Variants in EPHB1 observed in about 807,000 individuals in gnomAD.
EPHB1 encodes the protein ephrin type-B receptor 1.
A neutral mutation model predicts 94.4 loss-of-function variants in EPHB1; 30 were observed. The observed-to-expected ratio is 0.32, with a 90% CI of 0.24 to 0.43. The LOEUF (loss-of-function observed/expected upper bound fraction) is 0.43. Ranked by LOEUF, EPHB1 falls within the 20% of genes least tolerant of loss-of-function variation. The pLI is 1.00. For missense variants in EPHB1, 1,055 were observed against 1,308.3 expected, an observed-to-expected ratio of 0.81 and a Z score of 2.99; for synonymous variants, 522 against 489.1, an observed-to-expected ratio of 1.07 and a Z score of -0.89.
Position 135,070,377 on chromosome 3 carries a change from T to A in EPHB1, c.806-36071T>A, listed in dbSNP as rs183160288. Reference sequence around the variant, plus strand: ...ATGAAACTCTGTGAAACCCTAGAGTTTACTTGACCTGCTTTAGACCATTGG... The same window carrying A: ...ATGAAACTCTGTGAAACCCTAGAGTATACTTGACCTGCTTTAGACCATTGG... On this transcript the variant is annotated intron_variant, in intron 3 of 15. Transcript: ENST00000398015. Among the ~76,000 whole-genome samples, 200 of 152,300 alleles carry A rather than the reference T, an allele frequency of 1.3e-3. 1 individual carries two copies. Among genetic ancestry groups the A allele is most frequent in the African/African-American group, 4.5e-3 (186 of 41,580 alleles).
At chr3:135,235,246 A>C (rs1195445821) in intron 12 of EPHB1, among the ~76,000 whole-genome samples, 1 of 152,256 alleles carries the variant, frequency 6.6e-6, no homozygotes, top group African/African-American at 2.4e-5. Context: ...TAAACCAGGC[A>C]CTAACAATTA....
chr3:134,856,416 C>A (rs189273721), intron 1 of EPHB1, among the ~76,000 whole-genome samples: 1 of 152,194 alleles, frequency 6.6e-6, no homozygotes, highest in East Asian at 1.9e-4. Flanking sequence ...TCCTGCACCC[C>A]ACTCCTTGAG....
intron 12 of EPHB1, among the ~76,000 whole-genome samples, chr3:135,205,719 T>C (rs1343843848): frequency 6.6e-6 from 1 of 152,222 alleles, no homozygotes; most frequent in Non-Finnish European, 1.5e-5. Context: ...ACATTTGCTT[T>C]ATCATGTAAC....
At chr3:135,213,922 G>T (rs1943084719) in intron 12 of EPHB1, among the ~76,000 whole-genome samples, 1 of 152,116 alleles carries the variant, frequency 6.6e-6, no homozygotes, top group Non-Finnish European at 1.5e-5. Flanking sequence ...GCTCTCTGCA[G>T]GCCTCCCTGT....
At chr3:135,064,024 C>T (rs1222534577) in intron 3 of EPHB1, among the ~76,000 whole-genome samples, 1 of 152,054 alleles carries the variant, frequency 6.6e-6, no homozygotes, top group African/African-American at 2.4e-5. Flanking sequence ...TAAACCATCC[C>T]TATGTCCCTG....
chr3:135,115,368 C>T (rs1443368601), intron 4 of EPHB1, among the ~76,000 whole-genome samples: 1 of 152,182 alleles, frequency 6.6e-6, no homozygotes, highest in Admixed American at 6.5e-5. Flanking sequence ...ATATTCTCTG[C>T]TCCAATTGTT....
chr3:135,191,408 A>C (rs924319212), intron 10 of EPHB1, among the ~76,000 whole-genome samples: 1 of 152,196 alleles, frequency 6.6e-6, no homozygotes, highest in African/African-American at 2.4e-5. Flanking sequence ...AGCAATGTTA[A>C]CTTGTCTTTC....
At chr3:134,855,165 C>T (rs2037085009) in intron 1 of EPHB1, among the ~76,000 whole-genome samples, 1 of 152,172 alleles carries the variant, frequency 6.6e-6, no homozygotes, top group South Asian at 2.1e-4. Flanking sequence ...CAGTATTTTA[C>T]ATAATCCTTG....
intron 3 of EPHB1, among the ~76,000 whole-genome samples, chr3:134,969,560 G>T (rs9848835): frequency 0.1 from 15,203 of 152,158 alleles, 885 homozygotes; most frequent in Non-Finnish European, 0.13. Context: ...ATTTAAGGAA[G>T]ACATCTCAGC....
At chr3:134,936,567 AC>A (rs2039005672) in intron 2 of EPHB1, among the ~76,000 whole-genome samples, 1 of 152,014 alleles carries the variant, frequency 6.6e-6, no homozygotes, top group African/African-American at 2.4e-5. Flanking sequence ...GTGGGGCTGA[AC>A]GCGCCCCCCC....
intron 3 of EPHB1, among the ~76,000 whole-genome samples, chr3:135,046,966 T>C (rs1937016505): frequency 6.6e-6 from 1 of 152,244 alleles, no homozygotes; most frequent in Non-Finnish European, 1.5e-5. Flanking sequence ...CAGCCCCTTG[T>C]TCACATTCTG....
intron 3 of EPHB1, among the ~76,000 whole-genome samples, chr3:135,006,081 C>T (rs62273104): frequency 0.15 from 22,219 of 152,186 alleles, 1,746 homozygotes; most frequent in Non-Finnish European, 0.16. Context: ...CTTCACCTTC[C>T]GCCATGATTG....
intron 1 of EPHB1, among the ~76,000 whole-genome samples, chr3:134,899,891 CAG>C (rs2038166097): frequency 6.6e-6 from 1 of 152,170 alleles, no homozygotes; most frequent in African/African-American, 2.4e-5. Context: ...AAGGGTATAA[CAG>C]AGAGTCATGA....
intron 1 of EPHB1, among the ~76,000 whole-genome samples, chr3:134,914,586 G>A (rs1285235295): frequency 3.9e-5 from 6 of 152,146 alleles, no homozygotes; most frequent in Non-Finnish European, 8.8e-5. Flanking sequence ...GAGGGTTGTT[G>A]GAGACATGGG....
chr3:135,005,342 G>A (rs1935358389), intron 3 of EPHB1, among the ~76,000 whole-genome samples: 1 of 152,210 alleles, frequency 6.6e-6, no homozygotes, highest in African/African-American at 2.4e-5. Flanking sequence ...CGTGCTGGGA[G>A]AACCACTGCT....
chr3:135,169,857 C>A (rs757936969), intron 9 of EPHB1, among the ~76,000 whole-genome samples: 2 of 152,226 alleles, frequency 1.3e-5, no homozygotes, highest in Non-Finnish European at 2.9e-5. Context: ...AAGCCGGCTG[C>A]AGAGCCCATG....
At chr3:135,082,665 A>C (rs1938204464) in intron 3 of EPHB1, among the ~76,000 whole-genome samples, 1 of 152,230 alleles carries the variant, frequency 6.6e-6, no homozygotes, top group African/African-American at 2.4e-5. Context: ...TTTCAGGTTT[A>C]GAGATGGGAG....
At chr3:134,856,378 G>A (rs975132713) in intron 1 of EPHB1, among the ~76,000 whole-genome samples, 1 of 152,182 alleles carries the variant, frequency 6.6e-6, no homozygotes, top group African/African-American at 2.4e-5. Context: ...CACATTTCAT[G>A]TTCCCCACCA....
At chr3:135,088,723 C>G (rs1315520462) in intron 3 of EPHB1, among the ~76,000 whole-genome samples, 1 of 152,122 alleles carries the variant, frequency 6.6e-6, no homozygotes, top group Non-Finnish European at 1.5e-5. Context: ...CCTTGTATCC[C>G]TAGATCTTAG....
Sources: allele counts gnomAD v4.1 joint callset (sites outside exome capture counted in the v4.1 genomes callset), GRCh38; gene constraint gnomAD v4.1.1; transcripts MANE v1.5; gene names NCBI Gene and HGNC (gene_info 2026-07-23, HGNC 2026-07-21).